Variants in STXBP4 observed in about 807,000 individuals in gnomAD.
STXBP4 encodes syntaxin-binding protein 4.
Under a neutral mutation model 76.1 loss-of-function variants are expected in STXBP4, and 55 were observed. That is an observed-to-expected ratio of 0.72 (90% CI 0.58 to 0.91). The LOEUF is 0.91. STXBP4 is among the 40% of genes least tolerant of loss of function. The pLI is 0.00. For missense variants in STXBP4, 618 were observed against 636.9 expected (o/e 0.97, Z 0.32); for synonymous variants, 201 against 220.2 (o/e 0.91, Z 0.77).
chr17:55,075,590 C>G (rs1354026233), intron 13 of STXBP4, among the ~76,000 whole-genome samples: 2 of 152,114 alleles, frequency 1.3e-5, no homozygotes, highest in African/African-American at 4.8e-5. Flanking sequence ...TAGGTAATGC[C>G]TACTTGTGCT....
At position 55,170,746 on chromosome 17, in the gene STXBP4, A is replaced by G. The variant is rs1372482300; in HGVS notation, c.*10835A>G. ...TCAATAACTAAATTGATTATTGTGG[A>G]AACAACAAAAAAATTCATTTTTTGA... On this transcript the variant is annotated 3_prime_UTR_variant, in exon 18 of 18. Transcript: ENST00000376352. The G allele has an allele frequency of 6.6e-6, 1 of 152,244 alleles. No homozygotes were observed. Among genetic ancestry groups the G allele is most frequent in the African/African-American group, 2.4e-5 (1 of 41,458 alleles). The allele number at this position is 152,244 out of a possible 1,614,324, so 9.4% of individuals were successfully genotyped here.
At chr17:55,123,898 CA>C (rs1004442773) in intron 16 of STXBP4, among the ~76,000 whole-genome samples, 265 of 134,996 alleles carry the variant, frequency 2.0e-3, no homozygotes, top group Middle Eastern at 3.7e-3. Context: ...GACTCAGTCT[CA>C]AAAAAAAAAA....
At position 55,164,312 on chromosome 17, in the gene STXBP4, A is replaced by T. The variant is rs895099558; in HGVS notation, c.*4401A>T. 2 of 152,120 alleles carry T rather than the reference A, an allele frequency of 1.3e-5. No individual in the cohort carries two copies. Among genetic ancestry groups the T allele is most frequent in the South Asian group, 2.1e-4 (1 of 4,826 alleles). 9.4% of individuals were successfully genotyped at this position (152,120 alleles called of 1,614,324 possible). On this transcript the variant is annotated 3_prime_UTR_variant, in exon 18 of 18. Transcript: ENST00000376352. ...ACTGTTTCTGTCTACTTTTTTCAAA[A>T]GTTCAATTTTTACTTTTGGGGGTTG...
At chr17:55,101,383 T>C (rs1483401652) in intron 16 of STXBP4, among the ~76,000 whole-genome samples, 1 of 152,146 alleles carries the variant, frequency 6.6e-6, no homozygotes, top group Non-Finnish European at 1.5e-5. Flanking sequence ...AGGGTGATTT[T>C]TTACCATCTT....
At chr17:55,087,873 G>C (rs1002797616) in intron 16 of STXBP4, among the ~76,000 whole-genome samples, 5 of 152,222 alleles carry the variant, frequency 3.3e-5, no homozygotes, top group Non-Finnish European at 7.4e-5. Context: ...ATTCTGATCT[G>C]TGAGCATGGG....
intron 8 of STXBP4, among the ~76,000 whole-genome samples, chr17:55,025,400 C>T (rs1416072200): frequency 6.6e-6 from 1 of 151,972 alleles, no homozygotes; most frequent in Non-Finnish European, 1.5e-5. Flanking sequence ...ATAGTTCCGG[C>T]CCATCTATTT....
intron 16 of STXBP4, among the ~76,000 whole-genome samples, chr17:55,128,925 C>CTTTT (rs35073950): frequency 1.4e-4 from 12 of 86,272 alleles, no homozygotes; most frequent in East Asian, 3.4e-4. Flanking sequence ...TGTAAGGATT[C>CTTTT]TTTTTTTTTT....
chr17:55,173,783 T>C (rs965184529), downstream of STXBP4, among the ~76,000 whole-genome samples: 1 of 152,242 alleles, frequency 6.6e-6, no homozygotes, highest in Admixed American at 6.5e-5. Flanking sequence ...ATTTATTATC[T>C]TACAGTTTTG....
At chr17:55,189,506 A>G in the STXBP4 span, among the ~76,000 whole-genome samples, 1 of 152,192 alleles carries the variant, frequency 6.6e-6, no homozygotes, top group African/African-American at 2.4e-5. Context: ...ATCAACAAGC[A>G]TCTACAAGAA....
intron 10 of STXBP4, among the ~76,000 whole-genome samples, chr17:55,042,889 A>C (rs752959520): frequency 5.9e-5 from 9 of 152,184 alleles, no homozygotes; most frequent in Non-Finnish European, 1.3e-4. Context: ...TATTAGAATG[A>C]ATGTCTTTAG....
chr17:54,980,919 CAT>C (rs1468855520), intron 1 of STXBP4, among the ~76,000 whole-genome samples: 2 of 136,204 alleles, frequency 1.5e-5, no homozygotes, highest in Non-Finnish European at 3.3e-5. Flanking sequence ...TTTCTTAAAA[CAT>C]GAGATTTTTT....
At chr17:55,084,597 G>C (rs2079299898) in intron 16 of STXBP4, among the ~76,000 whole-genome samples, 1 of 151,310 alleles carries the variant, frequency 6.6e-6, no homozygotes, top group Non-Finnish European at 1.5e-5. Flanking sequence ...TTTTCTTCTA[G>C]GGTTTTTATG....
intron 17 of STXBP4, among the ~76,000 whole-genome samples, chr17:55,150,257 C>G (rs959507418): frequency 1.3e-5 from 2 of 152,170 alleles, no homozygotes; most frequent in South Asian, 4.1e-4. Flanking sequence ...GTCCCAAGAT[C>G]AGGGCGCCAT....
rs2080364264 is a variant in STXBP4, at chr17:55,164,451, TTTTTTTTTTTGA to T, written c.*4541_*4552del. Reference sequence around the variant, plus strand: ...CCCTGTTTATTTCTTTTTTTTTTTTTTTTTTTTTTTGAGACGGAGTCTCGCTCTGTCGCCCAG... The same window carrying T: ...CCCTGTTTATTTCTTTTTTTTTTTTTGACGGAGTCTCGCTCTGTCGCCCAG... On this transcript the variant is annotated 3_prime_UTR_variant, in exon 18 of 18. Transcript: ENST00000376352. The T allele has an allele frequency of 7.6e-6, 1 of 131,388 alleles. No homozygotes were observed. 8.1% of individuals were successfully genotyped at this position (131,388 alleles called of 1,614,324 possible). A position where few individuals can be genotyped will look rare whatever the true frequency, so the allele number is the denominator to read the frequency against.
chr17:54,970,856 G>A (rs2144251944), intron 1 of STXBP4, among the ~76,000 whole-genome samples: 1 of 152,110 alleles, frequency 6.6e-6, no homozygotes, highest in East Asian at 1.9e-4. Context: ...GATATTGATA[G>A]CAATGAAGTG....
chr17:55,024,372 C>T (rs1445784461), intron 8 of STXBP4, among the ~76,000 whole-genome samples: 1 of 152,184 alleles, frequency 6.6e-6, no homozygotes, highest in Non-Finnish European at 1.5e-5. Flanking sequence ...TCCTTGTCAG[C>T]CGGTGATAGA....
chr17:55,108,456 G>GA (rs371898468), intron 16 of STXBP4, among the ~76,000 whole-genome samples: 3 of 152,000 alleles, frequency 2.0e-5, no homozygotes, highest in South Asian at 2.1e-4. Flanking sequence ...ATTGGGGTGT[G>GA]AAAAAAAACT....
At chr17:55,154,601 G>A (rs186852454) in intron 17 of STXBP4, among the ~76,000 whole-genome samples, 1 of 152,086 alleles carries the variant, frequency 6.6e-6, no homozygotes, top group African/African-American at 2.4e-5. Context: ...GCTGTACTCT[G>A]TCACTACAGA....
intron 7 of STXBP4, among the ~76,000 whole-genome samples, chr17:55,001,424 C>T (rs149812554): frequency 1.3e-5 from 2 of 151,816 alleles, no homozygotes; most frequent in African/African-American, 4.8e-5. Flanking sequence ...ATTATCTAAG[C>T]CAAATGTAAA....
Sources: allele counts gnomAD v4.1 joint callset (sites outside exome capture counted in the v4.1 genomes callset), GRCh38; gene constraint gnomAD v4.1.1; transcripts MANE v1.5; gene names NCBI Gene and HGNC (gene_info 2026-07-23, HGNC 2026-07-21).